Variants in CEP72 observed in about 807,000 individuals in gnomAD.
The protein encoded by CEP72 is centrosomal protein of 72 kDa.
CEP72 carries 78 observed loss-of-function variants against 65.7 expected under a neutral mutation model. The ratio of observed to expected loss-of-function variants is 1.19; its 90% CI spans 0.99 to 1.43. CEP72 has a LOEUF of 1.43. CEP72 is among the 40% of genes most tolerant of loss of function. CEP72 has a pLI of 0.00. For missense variants in CEP72, 914 were observed against 832.9 expected (o/e 1.10, Z -1.20); for synonymous variants, 358 against 351.7 (o/e 1.02, Z -0.20).
chr5:647,942 GC>G, intron 11 of CEP72, 26 bp downstream of exon 11: 2 of 1,554,284 alleles, frequency 1.3e-6, no homozygotes, highest in Non-Finnish European at 1.8e-6. Flanking sequence ...ACTTGGGTGG[GC>G]CCCCGAGGGG....
chr5:649,156 CGTGACTGTGAGGT>C (rs1738709459), intron 11 of CEP72, among the ~76,000 whole-genome samples: 1 of 113,380 alleles, frequency 8.8e-6, no homozygotes, highest in Admixed American at 1.0e-4. Flanking sequence ...GACTGTGAGG[CGTGACTGTGAGGT>C]GTGGACTGTG....
At chr5:654,858 G>A (rs1206846030), downstream of CEP72, among the ~76,000 whole-genome samples, 1 of 115,038 alleles carries the variant, frequency 8.7e-6, no homozygotes, top group East Asian at 2.0e-4. Flanking sequence ...CCCCATCTGG[G>A]ACTCTAGTTA....
intron 10 of CEP72, among the ~76,000 whole-genome samples, chr5:647,377 A>G (rs1039469841): frequency 1.1e-4 from 17 of 152,266 alleles, no homozygotes; most frequent in Non-Finnish European, 2.2e-4. Flanking sequence ...TTGCAGAGTC[A>G]GAGGGCACTT....
chr5:619,700 C>T (rs72705014), intron 2 of CEP72, among the ~76,000 whole-genome samples: 1 of 152,172 alleles, frequency 6.6e-6, no homozygotes, highest in Non-Finnish European at 1.5e-5. Context: ...CCTCATCTTT[C>T]CCCGTTCCCA....
At chr5:666,737 A>G (rs436826) in intron 4 of CEP72, 1 of 152,548 alleles carries the variant, frequency 6.6e-6, no homozygotes, top group Admixed American at 6.5e-5. Flanking sequence ...CGCCACATCT[A>G]AACACAGTCC....
chr5:657,865 G>A (rs1463502235), downstream of CEP72, among the ~76,000 whole-genome samples: 13 of 152,196 alleles, frequency 8.5e-5, no homozygotes, highest in Admixed American at 3.9e-4. Flanking sequence ...GAAGTTGGAC[G>A]TTGTGTGAGT....
Position 624,683 on chromosome 5 carries a change from C to T in CEP72, c.512+104C>T, listed in dbSNP as rs116758486. The T allele has an allele frequency of 5.8e-4, 494 of 846,034 alleles. 4 individuals are homozygous for T. The African/African-American group carries it at 7.1e-3, about 12-fold the overall frequency. The allele number at this position is 846,034 out of a possible 1,614,324, so 52.4% of individuals were successfully genotyped here. On this transcript the variant is annotated intron_variant, in intron 4 of 11. Coordinates refer to ENST00000264935, the MANE Select transcript of CEP72 (RefSeq NM_018140.4). The surrounding 1 kb of genome is among the most constrained non-coding windows in gnomAD (Gnocchi z 4.7). The stretch of plus-strand genomic sequence containing the variant: ...CTGTGTGCCGGTCACTCTCCAGGGG[C>T]GGACACCAGGAGGGAGGAAGGGCAG...
At chr5:644,179 A>G (rs1367937570) in intron 9 of CEP72, 120 bp from the exon 10 acceptor site, 13 of 1,129,444 alleles carry the variant, frequency 1.2e-5, no homozygotes, top group East Asian at 4.7e-5. Flanking sequence ...TGCCTTTCAC[A>G]TCGTGACTCC....
intron 4 of CEP72, among the ~76,000 whole-genome samples, chr5:629,015 T>A (rs1219504824): frequency 6.6e-6 from 1 of 151,878 alleles, no homozygotes; most frequent in Admixed American, 6.5e-5. Context: ...TCTGGAGAAC[T>A]CAGATCGCAG....
chr5:637,541 C>T lies in CEP72; in HGVS notation c.929C>T (p.Ala310Val), dbSNP rs1194679364. ...GACTCCATGGATACCGAGGACTCGG[C>T]CTCTTCTCAGAAGTTGGATTTGTCA... ...HPDSMDTEDS[A>V]SSQKLDLSGE... The change falls in exon 7 of 12, where the codon GCC becomes GTC. Residue 310 changes from alanine to valine, a missense_variant. Physicochemically the swap from Ala to Val is moderately conservative, Grantham distance 64. Transcript: ENST00000264935. 2.5e-6 allele frequency: 4 copies of T among 1,613,882 alleles called. No homozygotes were observed. Among genetic ancestry groups the T allele is most frequent in the Admixed American group, 3.3e-5 (2 of 60,018 alleles).
intron 4 of CEP72, among the ~76,000 whole-genome samples, chr5:627,653 T>A (rs928458895): frequency 6.6e-6 from 1 of 152,216 alleles, no homozygotes; most frequent in Non-Finnish European, 1.5e-5. Flanking sequence ...TGTCTGCCAT[T>A]TTTTGCTGAC....
downstream of CEP72, among the ~76,000 whole-genome samples, chr5:668,609 G>A (rs1007698599): frequency 4.6e-5 from 7 of 152,254 alleles, no homozygotes; most frequent in African/African-American, 7.2e-5. Flanking sequence ...GTCCACACCC[G>A]GCCGAGCAAC....
chr5:642,895 C>T (rs1279293794), intron 9 of CEP72: 2 of 985,366 alleles, frequency 2.0e-6, no homozygotes, highest in Non-Finnish European at 2.4e-6. Context: ...GTCACATGAA[C>T]CTAGACCTTG....
At chr5:616,812 G>GTA (rs1262808489) in intron 1 of CEP72, among the ~76,000 whole-genome samples, 2 of 141,606 alleles carry the variant, frequency 1.4e-5, no homozygotes, top group African/African-American at 2.7e-5. Context: ...GTGTGTGTGT[G>GTA]TGTATGTGTG....
chr5:663,528 C>G (rs1237914831), exon 2 of CEP72: 1 of 152,448 alleles, frequency 6.6e-6, no homozygotes, highest in Non-Finnish European at 1.5e-5. Context: ...CCTCAGCGGA[C>G]CATGCTGGCT....
chr5:617,226 G>T (rs1357580205), intron 1 of CEP72, among the ~76,000 whole-genome samples: 1 of 152,166 alleles, frequency 6.6e-6, no homozygotes, highest in African/African-American at 2.4e-5. Flanking sequence ...CGAGGCCCCT[G>T]GCTGGTTGGC....
At chr5:651,946 C>G (rs528431532) in intron 11 of CEP72, among the ~76,000 whole-genome samples, 3 of 152,154 alleles carry the variant, frequency 2.0e-5, no homozygotes, top group Non-Finnish European at 4.4e-5. Flanking sequence ...CGTAGCCAGG[C>G]TCTGCCCCTT....
At chr5:658,440 C>G (rs963487491), downstream of CEP72, among the ~76,000 whole-genome samples, 1 of 152,184 alleles carries the variant, frequency 6.6e-6, no homozygotes, top group Non-Finnish European at 1.5e-5. Flanking sequence ...GGGGACTCAG[C>G]CCATTCTTGG....
intron 4 of CEP72, among the ~76,000 whole-genome samples, chr5:625,430 G>C (rs1469027510): frequency 6.6e-6 from 1 of 152,234 alleles, no homozygotes; most frequent in African/African-American, 2.4e-5. Flanking sequence ...CCTGGAGGCT[G>C]CGTGACCTCT....
Sources: allele counts gnomAD v4.1 joint callset (sites outside exome capture counted in the v4.1 genomes callset), GRCh38; gene constraint gnomAD v4.1.1; non-coding constraint Gnocchi (gnomAD v3.1); transcripts MANE v1.5; gene names NCBI Gene and HGNC (gene_info 2026-07-23, HGNC 2026-07-21).